SPX: variants seen among roughly 807,000 people sequenced by gnomAD.
SPX encodes spexin.
SPX carries 22 observed loss-of-function variants against 19.2 expected under a neutral mutation model. The observed-to-expected ratio is 1.15, with a 90% confidence interval of 0.82 to 1.64. The LOEUF is 1.64. Ranked by LOEUF, SPX falls within the 40% of genes most tolerant of loss-of-function variation. The probability of loss-of-function intolerance (pLI) is 0.00; values close to 1 mark genes in which losing one functional copy is unlikely to be tolerated. For missense variants in SPX, 143 were observed against 137.7 expected, an observed-to-expected ratio of 1.04 and a Z score of -0.19; for synonymous variants, 50 against 53.3, an observed-to-expected ratio of 0.94 and a Z score of 0.27.
rs1350371596 is a variant in SPX at position 21,532,790 on chromosome 12, C to G, written c.*1595C>G. On this transcript the variant is annotated 3_prime_UTR_variant, in exon 6 of 6. Coordinates refer to ENST00000256969, the MANE Select transcript of SPX (RefSeq NM_030572.4). ...TGAAATAATTCTTCCTACAACTAAC[C>G]AGAACAATCTCAAAAATGTCATACT... 1 of 152,132 alleles carries G rather than the reference C, an allele frequency of 6.6e-6. No homozygotes were observed. The highest frequency in any genetic ancestry group is 6.5e-5 in the Admixed American group (1 of 15,274). 9.4% of individuals were successfully genotyped at this position (152,132 alleles called of 1,614,324 possible). A position where few individuals can be genotyped will look rare whatever the true frequency, so the allele number is the denominator to read the frequency against.
intron 4 of SPX, 147 bp downstream of exon 4, chr12:21,527,936 G>C (rs1293647843): frequency 2.3e-6 from 2 of 852,066 alleles, no homozygotes. Context: ...CAGTCCGCCC[G>C]AGGGCAGCCC....
At chr12:21,529,614 AGT>A (rs1346608025) in intron 5 of SPX, among the ~76,000 whole-genome samples, 2 of 152,206 alleles carry the variant, frequency 1.3e-5, no homozygotes, top group African/African-American at 4.8e-5. Flanking sequence ...GACATTAAAC[AGT>A]GTGTCACAGG....
chr12:21,528,404 A>G (rs1037980230), intron 4 of SPX, among the ~76,000 whole-genome samples: 3 of 152,216 alleles, frequency 2.0e-5, no homozygotes, highest in Non-Finnish European at 4.4e-5. Flanking sequence ...ATCGTATTGT[A>G]TTAACAAATA....
chr12:21,529,391 A>C (rs1466373912), intron 5 of SPX, among the ~76,000 whole-genome samples: 1 of 152,060 alleles, frequency 6.6e-6, no homozygotes, highest in Admixed American at 6.5e-5. Context: ...TAAAACACCC[A>C]AAAATCAAGG....
rs747556255 is a variant in SPX at position 21,527,155 on chromosome 12, C to A, written c.108C>A (p.Asn36Lys). Reference protein sequence around the residue: ...CAPQRLLERRNWTPQAMLYLK... With the variant: ...CAPQRLLERRKWTPQAMLYLK... ...TATAGAGACTGTTGGAGAGAAGGAA[C>A]TGGACTCCTCAAGCTATGCTCTACC... The change falls in exon 3 of 6, where the codon AAC (asparagine) becomes AAA (lysine). Residue 36 changes from asparagine to lysine, a missense_variant. By Grantham distance (94) the Asn-to-Lys change is moderately conservative. Transcript: ENST00000256969. 12 of 1,614,042 alleles carry A rather than the reference C, an allele frequency of 7.4e-6. No homozygotes were observed. The South Asian group carries it at 1.3e-4, about 18-fold the overall frequency.
intron 5 of SPX, among the ~76,000 whole-genome samples, chr12:21,529,784 G>A (rs533595185): frequency 6.6e-6 from 1 of 152,338 alleles, no homozygotes; most frequent in Admixed American, 6.5e-5. Context: ...AACTCTTGCA[G>A]TGAAAAGGTG....
chr12:21,527,292 T>G, intron 3 of SPX, 100 bp downstream of exon 3: 2 of 1,255,338 alleles, frequency 1.6e-6, no homozygotes, highest in Non-Finnish European at 2.3e-6. Context: ...ATGTCGAGTT[T>G]ATTCCCTTAA....
rs917521883 is a variant in SPX at position 21,531,783 on chromosome 12, G to C, written c.*588G>C. The C allele has an allele frequency of 4.6e-5, 7 of 152,214 alleles. No homozygotes were observed. The highest frequency in any genetic ancestry group is 4.6e-4 in the Admixed American group (7 of 15,278). 9.4% of individuals were successfully genotyped at this position (152,214 alleles called of 1,614,324 possible). A position where few individuals can be genotyped will look rare whatever the true frequency, so the allele number is the denominator to read the frequency against. On this transcript the variant is annotated 3_prime_UTR_variant, in exon 6 of 6. Transcript: ENST00000256969. ...CTGAGAGGAGACAGTCATTGAGGTA[G>C]AAGGTTTGCCAAAGATCCAGAGCTC...
At chr12:21,530,574 A>G (rs1313285726) in intron 5 of SPX, among the ~76,000 whole-genome samples, 3 of 152,084 alleles carry the variant, frequency 2.0e-5, no homozygotes, top group African/African-American at 7.2e-5. Flanking sequence ...GGAACCTGCT[A>G]TTGTCTAACT....
Position 21,527,756 on chromosome 12 carries a change from C to A in SPX, c.175C>A (p.Arg59=). 6.4e-7 allele frequency: 1 copy of A among 1,572,354 alleles called. No homozygotes were observed. Among genetic ancestry groups the A allele is most frequent in the African/African-American group, 1.3e-5 (1 of 74,538 alleles). ...TCGCCGCTTCATCTCCGACCAGAGC[C>A]GGAGAAAGGACCTCTCCGACCGGCC... ...QGRRFISDQS[R]RKDLSDRPLP... The change falls in exon 4 of 6, where the codon CGG becomes AGG. Residue 59 remains arginine, a synonymous_variant. Coordinates refer to ENST00000256969, the MANE Select transcript of SPX (RefSeq NM_030572.4).
chr12:21,528,874 G>A, intron 4 of SPX, 127 bp from the exon 5 acceptor site: 1 of 791,752 alleles, frequency 1.3e-6, no homozygotes, highest in Non-Finnish European at 2.1e-6. Context: ...TGTGTAAGTA[G>A]TCCTTTGTTG....
chr12:21,526,380 C>T lies in SPX; in HGVS notation c.-93C>T. The T allele has an allele frequency of 2.3e-6, 3 of 1,332,604 alleles. No individual in the cohort carries two copies. Among genetic ancestry groups the T allele is most frequent in the Non-Finnish European group, 1.0e-6 (1 of 959,574 alleles). 82.5% of individuals were successfully genotyped at this position (1,332,604 alleles called of 1,614,324 possible). ...ACTCCAGATGGGGAGGTGCCCTTAA[C>T]ACCAAGATTTTAAAAGCTCCAATTT... On this transcript the variant is annotated 5_prime_UTR_variant, in exon 1 of 6. Coordinates refer to ENST00000256969, the MANE Select transcript of SPX (RefSeq NM_030572.4).
In SPX at chr12:21,529,039, G is replaced by A. The variant is rs1192884447; in HGVS notation, c.247G>A (p.Glu83Lys). 6.2e-7 allele frequency: 1 copy of A among 1,614,110 alleles called. No individual in the cohort carries two copies. The highest frequency in any genetic ancestry group is 1.1e-5 in the South Asian group (1 of 91,076). The change falls in exon 5 of 6, where the codon GAG becomes AAG. Residue 83 changes from glutamate (E) to lysine (K), a missense_variant. By Grantham distance (56) the Glu-to-Lys change is moderately conservative. Coordinates refer to ENST00000256969, the MANE Select transcript of SPX (RefSeq NM_030572.4). ...SPNPQLLTIP[E>K]AATILLASLQ... ...AAATCCCCAACTACTAACTATTCCG[G>A]AGGCAGCAACCATCTTACTGGCGTC...
At chr12:21,527,654 G>A in intron 3 of SPX, 73 bp from the exon 4 acceptor site, 1 of 1,443,028 alleles carries the variant, frequency 6.9e-7, no homozygotes, top group Non-Finnish European at 9.5e-7. Context: ...GCGCTGTGCC[G>A]GGAGGAGCTG....
intron 5 of SPX, among the ~76,000 whole-genome samples, chr12:21,530,487 T>A (rs920480639): frequency 2.6e-5 from 4 of 152,190 alleles, no homozygotes; most frequent in African/African-American, 9.6e-5. Flanking sequence ...AATTAGTAGA[T>A]GCACTTTGCC....
intron 4 of SPX, among the ~76,000 whole-genome samples, chr12:21,528,521 T>G (rs1334496273): frequency 6.6e-6 from 1 of 152,222 alleles, no homozygotes; most frequent in African/African-American, 2.4e-5. Flanking sequence ...TGCTTAAATT[T>G]TTGTTTAGGC....
In SPX at chr12:21,529,006, C is replaced by T. The variant is rs946853424; in HGVS notation, c.214C>T (p.Arg72Ter). The change falls in exon 5 of 6, where the codon CGA (arginine) becomes TGA (stop). Residue 72 changes from arginine (R) to a stop codon, truncating the protein, a stop_gained. Transcript: ENST00000256969. LOFTEE classifies it high-confidence loss of function. ...DLSDRPLPER[R>*]SPNPQLLTIP... The stretch of plus-strand genomic sequence containing the variant: ...ATACATTTTTGTTTCTGCAGAAAGA[C>T]GAAGCCCAAATCCCCAACTACTAAC... 2.5e-6 allele frequency: 4 copies of T among 1,613,896 alleles called. No individual in the cohort carries two copies. The highest frequency in any genetic ancestry group is 1.7e-5 in the Admixed American group (1 of 60,008).
chr12:21,527,621 C>T (rs1943826674), intron 3 of SPX, 106 bp from the exon 4 acceptor site: 8 of 1,151,984 alleles, frequency 6.9e-6, no homozygotes, highest in South Asian at 1.4e-5. Flanking sequence ...GAGCAACCTG[C>T]CCCCTCCCCA....
chr12:21,527,087 T>A lies in SPX; in HGVS notation c.88-48T>A, dbSNP rs1457684322. On this transcript the variant is annotated intron_variant, in intron 2 of 5. Transcript: ENST00000256969. ...CCTTTATTTTGCTGTAATAGAGGAC[T>A]GAGCTGCAATGTTTTATTAACTGCT... 1.9e-6 allele frequency: 3 copies of A among 1,597,584 alleles called. No homozygotes were observed. The East Asian group carries it at 6.7e-5, about 36-fold the overall frequency.
Sources: gnomAD v4.1 joint callset for allele counts (sites outside exome capture counted in the v4.1 genomes callset) on GRCh38, gnomAD v4.1.1 for gene constraint, MANE v1.5 for transcripts, NCBI Gene and HGNC (gene_info 2026-07-23, HGNC 2026-07-21) for gene names.